Variants in NR1D2 observed in about 807,000 individuals in gnomAD.
NR1D2 encodes V-erbA-related protein 1-related.
A neutral mutation model predicts 52.2 loss-of-function variants in NR1D2; 25 were observed. The observed-to-expected ratio is 0.48, with a 90% confidence interval of 0.35 to 0.67. The LOEUF (loss-of-function observed/expected upper bound fraction) is 0.67, where lower values mean the gene tolerates loss of function less well. Among genes scored for constraint, NR1D2 ranks in the 30% least tolerant of loss-of-function variants. The probability of loss-of-function intolerance (pLI) is 0.01; values close to 1 mark genes in which losing one functional copy is unlikely to be tolerated. For missense variants in NR1D2, 681 were observed against 707.2 expected, an observed-to-expected ratio of 0.96 and a Z score of 0.42; for synonymous variants, 259 against 230.1, an observed-to-expected ratio of 1.13 and a Z score of -1.14.
rs1217546404 is a variant in NR1D2 at position 23,979,649 on chromosome 3, T to G, written c.*2230T>G. The stretch of plus-strand genomic sequence containing the variant: ...TTCCTGTAGGTAATGGGAAACAAAA[T>G]TAATAGTTCATATGTCACTCATAGC... On this transcript the variant is annotated 3_prime_UTR_variant, in exon 8 of 8. Transcript: ENST00000312521. 6.6e-6 allele frequency: 1 copy of G among 152,102 alleles called. No homozygotes were observed. The highest frequency in any genetic ancestry group is 1.5e-5 in the Non-Finnish European group (1 of 67,946). 9.4% of individuals were successfully genotyped at this position (152,102 alleles called of 1,614,324 possible). A position where few individuals can be genotyped will look rare whatever the true frequency, so the allele number is the denominator to read the frequency against.
chr3:23,965,232 ATTCTTTT>A, intron 6 of NR1D2, 70 bp downstream of exon 6: 6 of 686,940 alleles, frequency 8.7e-6, no homozygotes, highest in Non-Finnish European at 8.5e-6. Context: ...GGATGTTTTA[ATTCTTTT>A]TTTTTTTTTT....
intron 7 of NR1D2, among the ~76,000 whole-genome samples, chr3:23,968,340 AG>A (rs1460046904): frequency 4.6e-5 from 7 of 152,202 alleles, no homozygotes; most frequent in African/African-American, 1.7e-4. Flanking sequence ...ATGTATCTCC[AG>A]GTAGGTAGTT....
chr3:23,946,084 C>G (rs1371128241), intron 1 of NR1D2: 1 of 984,600 alleles, frequency 1.0e-6, no homozygotes, highest in African/African-American at 1.7e-5. Flanking sequence ...AGGCTCCGCC[C>G]CTTTGGAAGC....
chr3:23,956,086 A>G lies in NR1D2; in HGVS notation c.333A>G (p.Ser111=). Residue 111 remains serine (S), a synonymous_variant, in exon 3 of 8, where the codon TCA becomes TCG. Coordinates refer to ENST00000312521, the MANE Select transcript of NR1D2 (RefSeq NM_005126.5). ...LLCKVCGDVA[S]GFHYGVHACE... ...GTAAAGTCTGTGGGGATGTGGCGTC[A>G]GGATTCCACTATGGAGTTCATGCTT... 3 of 1,614,066 alleles carry G rather than the reference A, an allele frequency of 1.9e-6. No homozygotes were observed. The highest frequency in any genetic ancestry group is 2.5e-6 in the Non-Finnish European group (3 of 1,179,942).
At chr3:23,961,926 A>G (rs774745342) in intron 4 of NR1D2, 51 bp from the exon 5 acceptor site, 8 of 1,503,432 alleles carry the variant, frequency 5.3e-6, no homozygotes, top group Non-Finnish European at 6.2e-6. Context: ...TCTTTTATAC[A>G]AAACAGGTCT....
Position 23,945,511 on chromosome 3 carries a change from AGGCGGC to A in NR1D2, c.-57_-52del, listed in dbSNP as rs369955272. The A allele has an allele frequency of 2.6e-5, 24 of 931,928 alleles. No homozygotes were observed. The highest frequency in any genetic ancestry group is 3.6e-5 in the African/African-American group (2 of 56,006). 57.7% of individuals were successfully genotyped at this position (931,928 alleles called of 1,614,324 possible). On this transcript the variant is annotated 5_prime_UTR_variant, in exon 1 of 8. Transcript: ENST00000312521. ...TCCAGCCCGGGGCGGCGCGGCGCTG[AGGCGGC>A]GGCGGCGGCGCTGCCCCCTCTGCGG...
At chr3:23,970,771 GTTGT>G (rs200756987) in intron 7 of NR1D2, among the ~76,000 whole-genome samples, 4,469 of 151,900 alleles carry the variant, frequency 0.029, 120 homozygotes, top group African/African-American at 0.073. Flanking sequence ...TGTTGTTGTT[GTTGT>G]TTGTTTTTTT....
chr3:23,950,704 T>G (rs1054587688), intron 1 of NR1D2, among the ~76,000 whole-genome samples: 1 of 152,180 alleles, frequency 6.6e-6, no homozygotes, highest in Non-Finnish European at 1.5e-5. Flanking sequence ...GATGCTTGTT[T>G]TCTTAAGACA....
intron 1 of NR1D2, among the ~76,000 whole-genome samples, chr3:23,951,244 T>C (rs1705922997): frequency 6.6e-6 from 1 of 152,200 alleles, no homozygotes; most frequent in Non-Finnish European, 1.5e-5. Flanking sequence ...GCTAAGGTAG[T>C]CAGCAGATCT....
chr3:23,975,269 C>T (rs1007214014), intron 7 of NR1D2, among the ~76,000 whole-genome samples: 6 of 151,704 alleles, frequency 4.0e-5, no homozygotes, highest in African/African-American at 1.2e-4. Flanking sequence ...TGGCATGTGT[C>T]ACCATGCCCA....
intron 7 of NR1D2, among the ~76,000 whole-genome samples, chr3:23,972,010 C>T (rs1355759953): frequency 6.6e-6 from 1 of 152,170 alleles, no homozygotes; most frequent in Non-Finnish European, 1.5e-5. Context: ...AATCAGGGAA[C>T]AAATGGATAG....
At chr3:23,949,443 C>T (rs1461930079) in intron 1 of NR1D2, among the ~76,000 whole-genome samples, 2 of 151,948 alleles carry the variant, frequency 1.3e-5, no homozygotes, top group Admixed American at 6.6e-5. Context: ...ATGATTTAAA[C>T]AGTCTTCAAT....
Position 23,979,928 on chromosome 3 carries a change from G to A in NR1D2, c.*2509G>A, listed in dbSNP as rs1276563546. On this transcript the variant is annotated 3_prime_UTR_variant, in exon 8 of 8. Transcript: ENST00000312521. ...TGGGCATTATGTCAGCAAACTTAAG[G>A]GCATTATGTCAGCAAGCTAAAACAT... 6.6e-6 allele frequency: 1 copy of A among 152,020 alleles called. No homozygotes were observed. Among genetic ancestry groups the A allele is most frequent in the African/African-American group, 2.4e-5 (1 of 41,412 alleles). 9.4% of individuals were successfully genotyped at this position (152,020 alleles called of 1,614,324 possible).
Position 23,956,034 on chromosome 3 carries a change from T to C in NR1D2, c.284-3T>C. 6.2e-7 allele frequency: 1 copy of C among 1,611,616 alleles called. No homozygotes were observed. Among genetic ancestry groups the C allele is most frequent in the Non-Finnish European group, 8.5e-7 (1 of 1,177,846 alleles). Reference sequence around the variant, plus strand: ...TTTTACTTCGTGTCCTTTTGTGTCCTAGAATTTAGTGGCATGGTTCTACTG... The same window carrying C: ...TTTTACTTCGTGTCCTTTTGTGTCCCAGAATTTAGTGGCATGGTTCTACTG... On this transcript the variant is annotated splice_polypyrimidine_tract_variant and splice_region_variant and intron_variant, in intron 2 of 7. Coordinates refer to ENST00000312521, the MANE Select transcript of NR1D2 (RefSeq NM_005126.5).
At position 23,977,459 on chromosome 3, in the gene NR1D2, C is replaced by T; in HGVS notation, c.*40C>T. 1 of 1,373,016 alleles carries T rather than the reference C, an allele frequency of 7.3e-7. No individual in the cohort carries two copies. Among genetic ancestry groups the T allele is most frequent in the Admixed American group, 2.2e-5 (1 of 44,540 alleles). 85.1% of individuals were successfully genotyped at this position (1,373,016 alleles called of 1,614,324 possible). A position where few individuals can be genotyped will look rare whatever the true frequency, so the allele number is the denominator to read the frequency against. On this transcript the variant is annotated 3_prime_UTR_variant, in exon 8 of 8. Coordinates refer to ENST00000312521, the MANE Select transcript of NR1D2 (RefSeq NM_005126.5). ...TAAACATGAACTGATGGTAACTGTACATTTTGTGCTAAAATGCATATTTAT... is the reference window on the plus strand; with the variant it reads ...TAAACATGAACTGATGGTAACTGTATATTTTGTGCTAAAATGCATATTTAT...
rs1054448372 is a variant in NR1D2, at chr3:23,979,811, ACTT to A, written c.*2395_*2397del. 1.2e-4 allele frequency: 18 copies of A among 152,246 alleles called. No individual in the cohort carries two copies. The highest frequency in any genetic ancestry group is 4.3e-4 in the African/African-American group (18 of 41,570). The allele number at this position is 152,246 out of a possible 1,614,324, so 9.4% of individuals were successfully genotyped here. On this transcript the variant is annotated 3_prime_UTR_variant, in exon 8 of 8. Coordinates refer to ENST00000312521, the MANE Select transcript of NR1D2 (RefSeq NM_005126.5). The stretch of plus-strand genomic sequence containing the variant: ...GCAGAGAAAGCAGCCAATTTAGGAA[ACTT>A]CTGAGTTGGTGGGACACTGTTGATT...
chr3:23,955,756 G>T lies in NR1D2; in HGVS notation c.284-281G>T, dbSNP rs1254136764. On this transcript the variant is annotated intron_variant, in intron 2 of 7. Transcript: ENST00000312521. ...GAATCACATGAACCTGGGAAGTGTG[G>T]AGGTTGCAATGAGCTGAGATCACGC... is the stretch of plus-strand genomic sequence containing the variant. Among the ~76,000 whole-genome samples, 3 of 152,136 alleles carry T rather than the reference G, an allele frequency of 2.0e-5. No homozygotes were observed. In the East Asian group the frequency reaches 5.8e-4, roughly 29 times the overall value.
chr3:23,968,841 A>G (rs1706515616), intron 7 of NR1D2, among the ~76,000 whole-genome samples: 1 of 152,166 alleles, frequency 6.6e-6, no homozygotes, highest in East Asian at 1.9e-4. Flanking sequence ...TTTATTGTAT[A>G]ACATTTGGGA....
chr3:23,975,234 T>C (rs1706691629), intron 7 of NR1D2, among the ~76,000 whole-genome samples: 1 of 151,642 alleles, frequency 6.6e-6, no homozygotes, highest in Admixed American at 6.6e-5. Context: ...CCTCCCACCT[T>C]AGCCACCCAA....
Sources: allele counts gnomAD v4.1 joint callset (sites outside exome capture counted in the v4.1 genomes callset), GRCh38; gene constraint gnomAD v4.1.1; transcripts MANE v1.5; gene names NCBI Gene and HGNC (gene_info 2026-07-23, HGNC 2026-07-21).